The following NEK11 variants were observed in gnomAD, a reference collection of about 807,000 sequenced individuals.
The protein encoded by NEK11 is serine/threonine-protein kinase Nek11.
In NEK11, 72 loss-of-function variants were observed where a neutral mutation model predicts 80.7. The ratio of observed to expected loss-of-function variants is 0.89; its 90% CI spans 0.74 to 1.08. The LOEUF (loss-of-function observed/expected upper bound fraction) is 1.08, where lower values mean the gene tolerates loss of function less well. Among genes scored for constraint, NEK11 ranks in the 50% least tolerant of loss-of-function variants. The pLI is 0.00. For synonymous variants in NEK11, 251 were observed against 260.7 expected, an observed-to-expected ratio of 0.96 and a Z score of 0.36; for missense variants, 764 against 763.6, an observed-to-expected ratio of 1.00 and a Z score of -0.01.
intron 3 of NEK11, among the ~76,000 whole-genome samples, chr3:131,044,443 A>AAAAGGGG (rs71627025): frequency 1.2e-5 from 1 of 83,612 alleles, no homozygotes; most frequent in African/African-American, 4.3e-5. Flanking sequence ...AAAAAAAAAA[A>AAAAGGGG]GGTGGGGGGG....
At chr3:131,138,188 G>T (rs1221375034) in intron 7 of NEK11, among the ~76,000 whole-genome samples, 1 of 152,186 alleles carries the variant, frequency 6.6e-6, no homozygotes, top group African/African-American at 2.4e-5. Context: ...CTGCCCTGAG[G>T]GGTGAGTTCC....
At chr3:131,134,893 C>T (rs958350473) in intron 7 of NEK11, among the ~76,000 whole-genome samples, 4 of 152,076 alleles carry the variant, frequency 2.6e-5, no homozygotes, top group Admixed American at 2.6e-4. Context: ...TATTTCTTTT[C>T]CTTAGAAGAG....
At chr3:131,046,772 G>A (rs971933850) in intron 3 of NEK11, among the ~76,000 whole-genome samples, 5 of 152,054 alleles carry the variant, frequency 3.3e-5, no homozygotes, top group African/African-American at 1.2e-4. Context: ...TGTGTGCCTA[G>A]GCGATGATCT....
chr3:131,255,071 A>AGAAG (rs1418364396), intron 16 of NEK11, among the ~76,000 whole-genome samples: 8,449 of 120,700 alleles, frequency 0.07, 333 homozygotes, highest in Non-Finnish European at 0.098. Flanking sequence ...ACAGACAGAC[A>AGAAG]GAAAGAAGGA....
chr3:131,104,089 A>T (rs932375170), intron 4 of NEK11, among the ~76,000 whole-genome samples: 1 of 152,198 alleles, frequency 6.6e-6, no homozygotes, highest in Non-Finnish European at 1.5e-5. Context: ...TAGGGAAGAC[A>T]AAAGAAGATA....
At chr3:131,181,701 G>A (rs9810384) in intron 14 of NEK11, among the ~76,000 whole-genome samples, 10,928 of 131,302 alleles carry the variant, frequency 0.083, 539 homozygotes, top group Non-Finnish European at 0.11. Flanking sequence ...AGCTGAGATC[G>A]CACCACTGCA....
At chr3:131,070,629 T>C (rs533993920) in intron 3 of NEK11, among the ~76,000 whole-genome samples, 1 of 152,344 alleles carries the variant, frequency 6.6e-6, no homozygotes, top group East Asian at 1.9e-4. Flanking sequence ...AAGTTGTTTT[T>C]GTTTTTTTCT....
chr3:131,304,196 C>G (rs979689076), intron 17 of NEK11, among the ~76,000 whole-genome samples: 40 of 152,262 alleles, frequency 2.6e-4, no homozygotes, highest in African/African-American at 9.6e-4. Context: ...TTGGTCTATT[C>G]TGGTATTACT....
chr3:131,309,143 G>A (rs116208431), intron 17 of NEK11, among the ~76,000 whole-genome samples: 1,943 of 152,256 alleles, frequency 0.013, 40 homozygotes, highest in African/African-American at 0.044. Flanking sequence ...GAACGCACTA[G>A]GTGAAATGCT....
chr3:131,199,635 TGGA>T (rs1384513234), intron 14 of NEK11, among the ~76,000 whole-genome samples: 1 of 151,982 alleles, frequency 6.6e-6, no homozygotes, highest in Non-Finnish European at 1.5e-5. Context: ...TATAACATTC[TGGA>T]GGAGAAGTTA....
chr3:131,275,178 C>T (rs935898915), intron 17 of NEK11, among the ~76,000 whole-genome samples: 2 of 151,976 alleles, frequency 1.3e-5, no homozygotes, highest in Non-Finnish European at 2.9e-5. Context: ...TAATTTTTCC[C>T]TCTGTAGAGG....
chr3:131,208,874 T>C (rs549062215), intron 14 of NEK11, among the ~76,000 whole-genome samples: 2 of 152,326 alleles, frequency 1.3e-5, no homozygotes, highest in East Asian at 3.9e-4. Context: ...GCTGAGACGA[T>C]GGGGTTTTCT....
At chr3:131,291,532 T>G (rs777971594) in intron 17 of NEK11, among the ~76,000 whole-genome samples, 17 of 152,212 alleles carry the variant, frequency 1.1e-4, no homozygotes, top group Non-Finnish European at 1.5e-4. Flanking sequence ...CTCCAAACTG[T>G]CTTCCAAAAT....
intron 17 of NEK11, among the ~76,000 whole-genome samples, chr3:131,278,916 C>T (rs2108782627): frequency 6.6e-6 from 1 of 152,188 alleles, no homozygotes; most frequent in Admixed American, 6.5e-5. Flanking sequence ...CCTCCTGAAT[C>T]AGAATCTGAA....
chr3:131,325,214 G>C (rs1307586889), intron 17 of NEK11: 1 of 151,886 alleles, frequency 6.6e-6, no homozygotes, highest in Non-Finnish European at 1.5e-5. Context: ...CAGAAATAAT[G>C]ATGGAATGAC....
At chr3:131,183,431 T>G (rs1383970954) in intron 14 of NEK11, among the ~76,000 whole-genome samples, 25 of 152,140 alleles carry the variant, frequency 1.6e-4, no homozygotes, top group Admixed American at 1.6e-3. Context: ...CCTGATTCTC[T>G]CCCTCCCCCT....
chr3:131,049,207 T>C (rs956639888), intron 3 of NEK11, among the ~76,000 whole-genome samples: 3 of 152,258 alleles, frequency 2.0e-5, no homozygotes, highest in African/African-American at 4.8e-5. Context: ...CATAAATCCA[T>C]GTAGAATAAC....
At chr3:131,045,972 C>A (rs981477332) in intron 3 of NEK11, among the ~76,000 whole-genome samples, 5 of 152,036 alleles carry the variant, frequency 3.3e-5, no homozygotes, top group African/African-American at 9.7e-5. Flanking sequence ...CTTTTTCCAC[C>A]CCTTTACCTT....
intron 16 of NEK11, among the ~76,000 whole-genome samples, chr3:131,264,391 A>G (rs1404453132): frequency 6.6e-5 from 10 of 152,206 alleles, no homozygotes; most frequent in Admixed American, 2.0e-4. Flanking sequence ...ATTTTTGTAT[A>G]AGGTGTAAGG....
Sources: allele counts gnomAD v4.1 joint callset (sites outside exome capture counted in the v4.1 genomes callset), GRCh38; gene constraint gnomAD v4.1.1; transcripts MANE v1.5; gene names NCBI Gene and HGNC (gene_info 2026-07-23, HGNC 2026-07-21).